KALRN: variants seen among roughly 807,000 people sequenced by gnomAD.
The protein encoded by KALRN is kalirin.
KALRN carries 70 observed loss-of-function variants against 353.7 expected under a neutral mutation model. That is an observed-to-expected ratio of 0.20 (90% confidence interval 0.16 to 0.24). The LOEUF (loss-of-function observed/expected upper bound fraction) is 0.24. Ranked by LOEUF, KALRN falls within the 10% of genes least tolerant of loss-of-function variation. KALRN has a pLI of 1.00. For synonymous variants in KALRN, 1,391 were observed against 1,434.8 expected (o/e 0.97, Z 0.69); for missense variants, 2,791 against 3,756.7 (o/e 0.74, Z 6.72).
intron 1 of KALRN, among the ~76,000 whole-genome samples, chr3:124,156,340 T>C (rs2068990516): frequency 6.6e-6 from 1 of 152,224 alleles, no homozygotes; most frequent in Non-Finnish European, 1.5e-5. Flanking sequence ...GTTGAATACC[T>C]TCTGTATATT....
intron 1 of KALRN, among the ~76,000 whole-genome samples, chr3:124,140,290 T>C (rs2066463316): frequency 6.6e-6 from 1 of 152,246 alleles, no homozygotes; most frequent in Non-Finnish European, 1.5e-5. Context: ...CACTAAGTTA[T>C]GCCTCACAGG....
intron 34 of KALRN, among the ~76,000 whole-genome samples, chr3:124,628,971 C>T (rs1453739724): frequency 1.3e-5 from 2 of 152,156 alleles, no homozygotes; most frequent in African/African-American, 4.8e-5. Context: ...GTAGATTAGA[C>T]CTCTAGTCTA....
chr3:124,576,550 G>C (rs546720903), intron 34 of KALRN, among the ~76,000 whole-genome samples: 6 of 152,290 alleles, frequency 3.9e-5, no homozygotes, highest in South Asian at 4.1e-4. Flanking sequence ...GGACGTATGG[G>C]TTAAGTACCT....
At chr3:124,432,442 C>T (rs1411618445) in intron 16 of KALRN, among the ~76,000 whole-genome samples, 1 of 152,054 alleles carries the variant, frequency 6.6e-6, no homozygotes, top group Non-Finnish European at 1.5e-5. Context: ...GGGCACATAG[C>T]AGTCAAGTTC....
chr3:124,666,350 G>T, intron 45 of KALRN, 99 bp from the exon 46 acceptor site: 4 of 1,077,416 alleles, frequency 3.7e-6, no homozygotes, highest in Non-Finnish European at 5.5e-6. Context: ...TGTCAAATCT[G>T]TTGCCCGTAT....
At chr3:124,098,211 A>G (rs1329404414) in intron 1 of KALRN, among the ~76,000 whole-genome samples, 6 of 152,136 alleles carry the variant, frequency 3.9e-5, no homozygotes, top group Non-Finnish European at 8.8e-5. Context: ...AGTACATGAG[A>G]TGATTTTAGG....
intron 3 of KALRN, among the ~76,000 whole-genome samples, chr3:124,250,057 G>A (rs996422217): frequency 1.3e-5 from 2 of 151,476 alleles, no homozygotes; most frequent in African/African-American, 2.4e-5. Context: ...AGTGGGCATG[G>A]CCTGGGGGGG....
At chr3:124,472,935 C>T (rs1457645586) in intron 25 of KALRN, among the ~76,000 whole-genome samples, 1 of 152,134 alleles carries the variant, frequency 6.6e-6, no homozygotes, top group African/African-American at 2.4e-5. Flanking sequence ...AAACTGGGTA[C>T]AGCTAGGAGT....
At chr3:124,050,515 G>A (rs2040923383) in intron 1 of KALRN, among the ~76,000 whole-genome samples, 1 of 152,194 alleles carries the variant, frequency 6.6e-6, no homozygotes, top group Non-Finnish European at 1.5e-5. Context: ...CACCTCAGGA[G>A]TAGCCTTAGG....
At chr3:124,317,204 A>G (rs1464566389) in intron 6 of KALRN, among the ~76,000 whole-genome samples, 3 of 152,162 alleles carry the variant, frequency 2.0e-5, no homozygotes, top group Non-Finnish European at 4.4e-5. Flanking sequence ...GATCTTCAGT[A>G]GAAATTTCTC....
chr3:124,330,580 G>T (rs902137842), intron 8 of KALRN, among the ~76,000 whole-genome samples: 2 of 152,156 alleles, frequency 1.3e-5, no homozygotes, highest in South Asian at 4.1e-4. Context: ...AAGGCAGGGG[G>T]TTACTGTAAA....
At chr3:124,361,564 T>C (rs1407112105) in intron 10 of KALRN, among the ~76,000 whole-genome samples, 1 of 152,226 alleles carries the variant, frequency 6.6e-6, no homozygotes, top group Non-Finnish European at 1.5e-5. Context: ...TTACAGGCTA[T>C]TAAAACCAGG....
chr3:124,093,964 G>C (rs2061274286), intron 1 of KALRN: 1 of 152,270 alleles, frequency 6.6e-6, no homozygotes, highest in African/African-American at 2.4e-5. Flanking sequence ...GTGGGGAACT[G>C]AGAGTCTGGC....
At chr3:124,654,786 C>T (rs2083817971) in intron 38 of KALRN, among the ~76,000 whole-genome samples, 1 of 152,126 alleles carries the variant, frequency 6.6e-6, no homozygotes, top group Non-Finnish European at 1.5e-5. Flanking sequence ...GGTCAGGTTA[C>T]CTAATCTTTC....
chr3:124,369,710 A>C (rs2085556983), intron 10 of KALRN, among the ~76,000 whole-genome samples: 2 of 152,058 alleles, frequency 1.3e-5, no homozygotes, highest in Non-Finnish European at 2.9e-5. Context: ...ATCTAATTGA[A>C]ATTTTGTATC....
chr3:124,611,106 G>C (rs565418044), intron 34 of KALRN, among the ~76,000 whole-genome samples: 6 of 152,188 alleles, frequency 3.9e-5, no homozygotes, highest in Non-Finnish European at 8.8e-5. Flanking sequence ...CAGAGTGGCA[G>C]CATGTGGAGG....
intron 1 of KALRN, among the ~76,000 whole-genome samples, chr3:124,182,298 G>A (rs1013506575): frequency 6.6e-6 from 1 of 152,202 alleles, no homozygotes; most frequent in Non-Finnish European, 1.5e-5. Context: ...CCTGCTTCAT[G>A]GTCTCTTAGG....
intron 1 of KALRN, among the ~76,000 whole-genome samples, chr3:124,134,539 C>G (rs1056667475): frequency 2.6e-5 from 4 of 152,122 alleles, no homozygotes; most frequent in African/African-American, 9.7e-5. Context: ...CCTAATTAAA[C>G]TAAAGAGCTT....
intron 1 of KALRN, among the ~76,000 whole-genome samples, chr3:124,134,991 G>A (rs1401930713): frequency 2.6e-5 from 4 of 152,152 alleles, no homozygotes. Context: ...AACTAAAAGT[G>A]GAACCACCAT....
Sources: gnomAD v4.1 joint callset for allele counts (sites outside exome capture counted in the v4.1 genomes callset) on GRCh38, gnomAD v4.1.1 for gene constraint, MANE v1.5 for transcripts, NCBI Gene and HGNC (gene_info 2026-07-23, HGNC 2026-07-21) for gene names.